RGS6: variants seen among roughly 807,000 people sequenced by gnomAD.
RGS6 encodes the protein regulator of G-protein signaling 6.
RGS6 carries 30 observed loss-of-function variants against 78.5 expected under a neutral mutation model. The observed-to-expected ratio is 0.38, with a 90% CI of 0.29 to 0.52. The LOEUF (loss-of-function observed/expected upper bound fraction) is 0.52, where lower values mean the gene tolerates loss of function less well. Ranked by LOEUF, RGS6 falls within the 20% of genes least tolerant of loss-of-function variation. RGS6 has a pLI of 0.85. For synonymous variants in RGS6, 206 were observed against 206.0 expected (o/e 1.00, Z 0.00); for missense variants, 495 against 609.7 (o/e 0.81, Z 1.98).
intron 2 of RGS6, among the ~76,000 whole-genome samples, chr14:72,185,642 T>A (rs1488678735): frequency 6.6e-6 from 1 of 152,156 alleles, no homozygotes; most frequent in Non-Finnish European, 1.5e-5. Flanking sequence ...TTGCAGTAAT[T>A]ATAGATAATA....
the RGS6 span, among the ~76,000 whole-genome samples, chr14:71,884,503 CAT>C: frequency 1.3e-5 from 2 of 152,104 alleles, no homozygotes; most frequent in African/African-American, 4.8e-5. Flanking sequence ...TAGAACTTTA[CAT>C]GTTTATTATT....
intron 1 of RGS6, among the ~76,000 whole-genome samples, chr14:71,955,650 G>A (rs1211799904): frequency 1.3e-5 from 2 of 152,156 alleles, no homozygotes; most frequent in African/African-American, 4.8e-5. Flanking sequence ...GTGTAGCAGT[G>A]AGGACAACCA....
the RGS6 span, among the ~76,000 whole-genome samples, chr14:72,579,399 A>G: frequency 2.0e-5 from 3 of 152,244 alleles, no homozygotes; most frequent in Non-Finnish European, 4.4e-5. Context: ...GCACCAGACA[A>G]AAAGCCAGTC....
chr14:72,452,190 G>A (rs1010653118), intron 3 of RGS6, among the ~76,000 whole-genome samples: 2 of 151,426 alleles, frequency 1.3e-5, no homozygotes, highest in Non-Finnish European at 2.9e-5. Context: ...GGAGGAAAGG[G>A]ACACACAGGC....
intron 3 of RGS6, among the ~76,000 whole-genome samples, chr14:72,440,497 C>G (rs1056263686): frequency 6.7e-6 from 1 of 149,336 alleles, no homozygotes; most frequent in African/African-American, 2.5e-5. Context: ...TCACTGCAGT[C>G]TGCCTCCCGG....
At chr14:72,358,857 G>A (rs2080896688) in intron 3 of RGS6, among the ~76,000 whole-genome samples, 4 of 152,162 alleles carry the variant, frequency 2.6e-5, no homozygotes, top group Admixed American at 2.6e-4. Context: ...GGGGTAGAAT[G>A]ATATGGTTTG....
the RGS6 span, among the ~76,000 whole-genome samples, chr14:72,610,940 C>T: frequency 1.4e-4 from 21 of 152,236 alleles, no homozygotes; most frequent in Non-Finnish European, 2.4e-4. Context: ...TGCCCACAGG[C>T]TTTCAAGTAG....
At chr14:72,475,784 A>G (rs1313607592) in intron 10 of RGS6, among the ~76,000 whole-genome samples, 1 of 147,336 alleles carries the variant, frequency 6.8e-6, no homozygotes, top group Non-Finnish European at 1.5e-5. Flanking sequence ...ATTTCTTGTG[A>G]TGACCAATTA....
intron 2 of RGS6, among the ~76,000 whole-genome samples, chr14:72,095,978 A>G (rs1451997885): frequency 6.6e-6 from 1 of 152,144 alleles, no homozygotes. Context: ...CCTTAAAAAT[A>G]ATGAGGAGGG....
chr14:72,544,220 A>T (rs2097363036), intron 17 of RGS6, among the ~76,000 whole-genome samples: 1 of 152,218 alleles, frequency 6.6e-6, no homozygotes, highest in South Asian at 2.1e-4. Flanking sequence ...ATACTGGCTG[A>T]AGCCATCTGG....
intron 2 of RGS6, among the ~76,000 whole-genome samples, chr14:72,017,241 A>G (rs765944172): frequency 9.2e-5 from 14 of 152,146 alleles, no homozygotes; most frequent in Admixed American, 6.6e-5. Context: ...GTTGCTGTCA[A>G]TGATATCTTT....
intron 2 of RGS6, among the ~76,000 whole-genome samples, chr14:72,289,304 A>G (rs796913660): frequency 4.0e-5 from 6 of 151,252 alleles, no homozygotes; most frequent in African/African-American, 1.2e-4. Context: ...GTTAGCATTC[A>G]TTCATTCATT....
chr14:72,354,020 G>A (rs2079675703), intron 3 of RGS6, among the ~76,000 whole-genome samples: 2 of 151,358 alleles, frequency 1.3e-5, no homozygotes, highest in African/African-American at 4.9e-5. Flanking sequence ...TCATGGAACA[G>A]CACACACACA....
chr14:72,406,263 A>G (rs1031394460), intron 3 of RGS6, among the ~76,000 whole-genome samples: 2 of 152,204 alleles, frequency 1.3e-5, no homozygotes, highest in African/African-American at 4.8e-5. Context: ...ACACGCCTGT[A>G]GTCCCAGCTA....
chr14:71,870,568 G>C, the RGS6 span, among the ~76,000 whole-genome samples: 2 of 152,176 alleles, frequency 1.3e-5, no homozygotes, highest in African/African-American at 4.8e-5. Flanking sequence ...GGAATGAGGC[G>C]TTTCCACAGT....
In RGS6 at chr14:72,440,415, T is replaced by C. The variant is rs1401585145; in HGVS notation, c.185-14113T>C. On this transcript the variant is annotated intron_variant, in intron 3 of 17. Coordinates refer to ENST00000553525, the MANE Select transcript of RGS6 (RefSeq NM_001204424.2). ...GATGTTGAAATTTGACCTACACTTC[T>C]TTTTTTTTTTTTTTTTTGAGATGGA... 5.3e-5 allele frequency among the ~76,000 whole-genome samples: 5 copies of C among 94,866 alleles called. No individual in the cohort carries two copies. In the Admixed American group the frequency reaches 5.8e-4, roughly 11 times the overall value. 62.2% of individuals were successfully genotyped at this position (94,866 alleles called of 152,430 possible). A position where few individuals can be genotyped will look rare whatever the true frequency, so the allele number is the denominator to read the frequency against.
At chr14:72,271,061 C>G (rs1404022404) in intron 2 of RGS6, among the ~76,000 whole-genome samples, 1 of 152,178 alleles carries the variant, frequency 6.6e-6, no homozygotes, top group African/African-American at 2.4e-5. Flanking sequence ...GCAAGAGAAG[C>G]AGCATCAGCC....
intron 1 of RGS6, among the ~76,000 whole-genome samples, chr14:71,938,523 C>T (rs747122153): frequency 9.2e-5 from 14 of 152,176 alleles, no homozygotes; most frequent in Non-Finnish European, 2.1e-4. Flanking sequence ...CTAGTCTTCT[C>T]CTCCTCTGTC....
At chr14:72,602,720 T>C in the RGS6 span, among the ~76,000 whole-genome samples, 1 of 152,236 alleles carries the variant, frequency 6.6e-6, no homozygotes, top group Admixed American at 6.5e-5. Flanking sequence ...GGCAATAATT[T>C]TGGCCTCAAG....
Sources: gnomAD v4.1 joint callset for allele counts (sites outside exome capture counted in the v4.1 genomes callset) on GRCh38, gnomAD v4.1.1 for gene constraint, MANE v1.5 for transcripts, NCBI Gene and HGNC (gene_info 2026-07-23, HGNC 2026-07-21) for gene names.